WDR7: variants seen among roughly 807,000 people sequenced by gnomAD.
The protein encoded by WDR7 is WD repeat-containing protein 7.
A neutral mutation model predicts 169.4 loss-of-function variants in WDR7; 46 were observed. The observed-to-expected ratio is 0.27, with a 90% CI of 0.21 to 0.35. The LOEUF (loss-of-function observed/expected upper bound fraction) is 0.35. WDR7 is among the 10% of genes least tolerant of loss of function. WDR7 has a pLI of 1.00. For synonymous variants in WDR7, 612 were observed against 666.8 expected (o/e 0.92, Z 1.27); for missense variants, 1,534 against 1,859.3 (o/e 0.83, Z 3.22).
chr18:56,659,626 G>A (rs553077704), intron 1 of WDR7, among the ~76,000 whole-genome samples: 4 of 152,330 alleles, frequency 2.6e-5, no homozygotes, highest in African/African-American at 7.2e-5. Flanking sequence ...GATTTGAAGA[G>A]GGCAAAGGAG....
At chr18:57,026,969 G>T in intron 27 of WDR7, 35 bp from the exon 28 acceptor site, 1 of 1,597,962 alleles carries the variant, frequency 6.3e-7, no homozygotes, top group Non-Finnish European at 8.5e-7. Flanking sequence ...GGAGAGGGCT[G>T]TTCAAGTGAC....
intron 12 of WDR7, among the ~76,000 whole-genome samples, chr18:56,700,565 CTTTTT>C (rs71169389): frequency 0.15 from 17,277 of 115,868 alleles, 1,746 homozygotes; most frequent in African/African-American, 0.17. Flanking sequence ...AATATTGTTT[CTTTTT>C]TTTTTTTTTT....
chr18:56,820,492 A>G (rs1452596940), intron 20 of WDR7, among the ~76,000 whole-genome samples: 4 of 151,576 alleles, frequency 2.6e-5, no homozygotes, highest in Non-Finnish European at 5.9e-5. Flanking sequence ...GTTAAATTAT[A>G]ATTAGCTACA....
chr18:56,751,430 G>A (rs1168344342), intron 14 of WDR7, among the ~76,000 whole-genome samples: 1 of 152,212 alleles, frequency 6.6e-6, no homozygotes, highest in Non-Finnish European at 1.5e-5. Flanking sequence ...TTCTTTGGTA[G>A]TAATGGTCTT....
At position 57,010,633 on chromosome 18, in the gene WDR7, T is replaced by A. The variant is rs1487159071; in HGVS notation, c.4165-10112T>A. ...CTAATTTTCAAAGTATGATTCTATA[T>A]AATTAATCATTTCAACATGCAAAGA... On this transcript the variant is annotated intron_variant, in intron 26 of 27. Transcript: ENST00000254442. 2.6e-5 allele frequency among the ~76,000 whole-genome samples: 4 copies of A among 151,872 alleles called. No individual in the cohort carries two copies. In the East Asian group the frequency reaches 7.7e-4, roughly 29 times the overall value.
intron 16 of WDR7, among the ~76,000 whole-genome samples, chr18:56,774,423 A>G (rs996734698): frequency 6.6e-6 from 1 of 152,096 alleles, no homozygotes; most frequent in Non-Finnish European, 1.5e-5. Flanking sequence ...CTCAGATAAA[A>G]TAATGGAACT....
At chr18:56,955,875 A>G (rs1405793803) in intron 25 of WDR7, among the ~76,000 whole-genome samples, 1 of 152,142 alleles carries the variant, frequency 6.6e-6, no homozygotes, top group Non-Finnish European at 1.5e-5. Context: ...ATGGTTACAC[A>G]ATTAGTAAGT....
chr18:56,980,074 C>T (rs1040144016), intron 26 of WDR7, among the ~76,000 whole-genome samples: 1 of 152,210 alleles, frequency 6.6e-6, no homozygotes, highest in African/African-American at 2.4e-5. Flanking sequence ...GGCAATTACA[C>T]ATGCTCCAGA....
intron 21 of WDR7, among the ~76,000 whole-genome samples, chr18:56,907,057 GT>G (rs35665429): frequency 2.0e-3 from 297 of 152,290 alleles, no homozygotes; most frequent in African/African-American, 6.8e-3. Flanking sequence ...CGGATTATCT[GT>G]TAAGATTCTT....
At chr18:56,676,076 T>C (rs2025237628) in intron 2 of WDR7, among the ~76,000 whole-genome samples, 1 of 152,184 alleles carries the variant, frequency 6.6e-6, no homozygotes, top group African/African-American at 2.4e-5. Context: ...AATATATATT[T>C]AAAATTGTTA....
At chr18:56,712,736 A>G (rs538609693) in intron 12 of WDR7, among the ~76,000 whole-genome samples, 8 of 152,364 alleles carry the variant, frequency 5.3e-5, no homozygotes, top group African/African-American at 1.9e-4. Context: ...ATAACAATAC[A>G]AATTTTTAAG....
intron 25 of WDR7, among the ~76,000 whole-genome samples, chr18:56,945,186 A>T (rs1028389806): frequency 4.6e-5 from 7 of 152,228 alleles, no homozygotes; most frequent in Admixed American, 1.3e-4. Flanking sequence ...AGGAGTAGGA[A>T]AGCAAGACAA....
At chr18:56,772,288 G>T (rs1369289311) in intron 16 of WDR7, among the ~76,000 whole-genome samples, 1 of 152,088 alleles carries the variant, frequency 6.6e-6, no homozygotes, top group Non-Finnish European at 1.5e-5. Context: ...AAAACATGGG[G>T]CCCAGGAACT....
intron 23 of WDR7, among the ~76,000 whole-genome samples, chr18:56,937,222 A>C (rs2046972579): frequency 6.6e-6 from 1 of 152,132 alleles, no homozygotes; most frequent in African/African-American, 2.4e-5. Context: ...GTCCACATTT[A>C]TTACCTTTAA....
intron 19 of WDR7, among the ~76,000 whole-genome samples, chr18:56,802,523 ATT>A (rs34077855): frequency 0.071 from 9,433 of 132,422 alleles, 339 homozygotes; most frequent in Middle Eastern, 0.23. Context: ...ACACCGGCTA[ATT>A]TTTTTTTTTT....
rs146097214 is a variant in WDR7 at position 56,999,596 on chromosome 18, T to G, written c.4165-21149T>G. ...CTTGAAAAATCTCTAGAAAAAAGGG[T>G]GGTGGGCACTTATCAAGGAAAGATG... On this transcript the variant is annotated intron_variant, in intron 26 of 27. Coordinates refer to ENST00000254442, the MANE Select transcript of WDR7 (RefSeq NM_015285.3). Among the ~76,000 whole-genome samples the G allele has an allele frequency of 1.2e-3, 187 of 152,130 alleles. 1 individual carries two copies. Among genetic ancestry groups the G allele is most frequent in the Non-Finnish European group, 2.1e-3 (144 of 67,958 alleles).
intron 25 of WDR7, among the ~76,000 whole-genome samples, chr18:56,960,647 A>G (rs2047325911): frequency 6.6e-6 from 1 of 152,146 alleles, no homozygotes; most frequent in South Asian, 2.1e-4. Context: ...GATGCCCAAT[A>G]CTTAGACCAC....
chr18:56,680,375 CAG>C (rs2025329775), intron 3 of WDR7, among the ~76,000 whole-genome samples: 1 of 152,054 alleles, frequency 6.6e-6, no homozygotes. Flanking sequence ...CAAAACAAAA[CAG>C]AAATTGTTCT....
At chr18:56,694,539 T>G (rs962495868) in intron 9 of WDR7, 80 bp from the exon 10 acceptor site, 1 of 1,400,136 alleles carries the variant, frequency 7.1e-7, no homozygotes, top group African/African-American at 1.4e-5. Context: ...TTACCTAATA[T>G]CTTTGTTTGA....
Sources: allele counts gnomAD v4.1 joint callset (sites outside exome capture counted in the v4.1 genomes callset), GRCh38; gene constraint gnomAD v4.1.1; transcripts MANE v1.5; gene names NCBI Gene and HGNC (gene_info 2026-07-23, HGNC 2026-07-21).